The following PPIP5K1 variants were observed in gnomAD, a reference collection of about 807,000 sequenced individuals.
The protein encoded by PPIP5K1 is inositol hexakisphosphate and diphosphoinositol-pentakisphosphate kinase 1.
A neutral mutation model predicts 27.7 loss-of-function variants in PPIP5K1; 6 were observed. The ratio of observed to expected loss-of-function variants is 0.22; its 90% CI spans 0.12 to 0.43. PPIP5K1 has a LOEUF of 0.43. Among genes scored for constraint, PPIP5K1 ranks in the 20% least tolerant of loss-of-function variants. PPIP5K1 has a pLI of 1.00. For missense variants in PPIP5K1, 394 were observed against 635.4 expected (o/e 0.62, Z 4.08); for synonymous variants, 145 against 242.6 (o/e 0.60, Z 3.74).
At chr15:43,553,616 TG>T (rs1268970061) in intron 30 of PPIP5K1, among the ~76,000 whole-genome samples, 19 of 151,748 alleles carry the variant, frequency 1.3e-4, no homozygotes, top group South Asian at 1.3e-3. Flanking sequence ...CCTCCCAAAG[TG>T]CTGGGATTTC....
intron 9 of PPIP5K1, 33 bp from the exon 10 acceptor site, chr15:43,581,156 C>T (rs774014502): frequency 6.4e-7 from 1 of 1,558,134 alleles, no homozygotes; most frequent in African/African-American, 2.2e-5. Flanking sequence ...GAGAACAAGA[C>T]AGTTACTCTT....
intron 31 of PPIP5K1, among the ~76,000 whole-genome samples, chr15:43,537,593 G>A (rs1337412381): frequency 6.7e-6 from 1 of 149,082 alleles, no homozygotes; most frequent in Admixed American, 6.8e-5. Context: ...GGAGGCTGAG[G>A]TAGGAGAATC....
At chr15:43,548,921 G>A (rs555452727) in intron 30 of PPIP5K1, among the ~76,000 whole-genome samples, 17 of 149,060 alleles carry the variant, frequency 1.1e-4, no homozygotes, top group African/African-American at 2.2e-4. Flanking sequence ...CCAGCTACTC[G>A]GGAGGCTGAG....
chr15:43,555,036 C>T (rs1320955733), intron 30 of PPIP5K1, among the ~76,000 whole-genome samples: 10 of 152,116 alleles, frequency 6.6e-5, no homozygotes, highest in Middle Eastern at 3.4e-3. Context: ...AAGGTTTCCC[C>T]ATGTTGGCCA....
At chr15:43,539,412 C>T in intron 31 of PPIP5K1, 58 bp downstream of exon 31, 1 of 1,273,542 alleles carries the variant, frequency 7.9e-7, no homozygotes, top group East Asian at 2.5e-5. Context: ...GCCCCTCATT[C>T]ACCAATCACT....
At chr15:43,547,099 G>A (rs2081466305) in intron 30 of PPIP5K1, among the ~76,000 whole-genome samples, 1 of 152,142 alleles carries the variant, frequency 6.6e-6, no homozygotes, top group Non-Finnish European at 1.5e-5. Context: ...GCTATCCGGT[G>A]GGTATGAAGT....
chr15:43,578,976 T>C (rs1464004279), intron 11 of PPIP5K1, 43 bp downstream of exon 11: 1 of 69,608 alleles, frequency 1.4e-5, no homozygotes, highest in African/African-American at 8.2e-4. Context: ...AGGAATCCCA[T>C]GGGTCTTAAG....
chr15:43,534,709 G>A lies in PPIP5K1; in HGVS notation c.4438C>T (p.Leu1480=). 6.5e-7 allele frequency: 1 copy of A among 1,528,792 alleles called. No individual in the cohort carries two copies. Among genetic ancestry groups the A allele is most frequent in the Middle Eastern group, 1.8e-4 (1 of 5,568 alleles). 94.7% of individuals were successfully genotyped at this position (1,528,792 alleles called of 1,614,324 possible). ...PSQEFPEEID[L]QAQEVPEEIN ...TCCTCAGGGACCTCCTGGGCCTGCA[G>A]ATCAATCTCCTCAGGGAACTCTTGG... is the stretch of plus-strand genomic sequence containing the variant. The change falls in exon 32 of 32, where the codon CTG becomes TTG. Residue 1480 remains leucine (L), a synonymous_variant. Transcript: ENST00000420765.
chr15:43,543,471 T>C (rs912325591), intron 30 of PPIP5K1, among the ~76,000 whole-genome samples: 3 of 149,462 alleles, frequency 2.0e-5, no homozygotes, highest in African/African-American at 7.4e-5. Flanking sequence ...GGATGGAGAG[T>C]AATTTCTACA....
intron 29 of PPIP5K1, among the ~76,000 whole-genome samples, chr15:43,559,937 CA>C (rs1360324282): frequency 6.6e-6 from 1 of 151,760 alleles, no homozygotes; most frequent in Non-Finnish European, 1.5e-5. Context: ...GCCCGTAACT[CA>C]AAAGGATTAT....
chr15:43,548,417 T>TC (rs1263561701), intron 30 of PPIP5K1: 4 of 151,860 alleles, frequency 2.6e-5, no homozygotes, highest in Non-Finnish European at 5.9e-5. Flanking sequence ...TTTTTTTTTT[T>TC]CTTTTAATTT....
intron 30 of PPIP5K1, among the ~76,000 whole-genome samples, chr15:43,550,466 C>T (rs1311588005): frequency 6.6e-6 from 1 of 152,164 alleles, no homozygotes; most frequent in Non-Finnish European, 1.5e-5. Flanking sequence ...CTGTAACCTG[C>T]AACTCTGCTA....
intron 30 of PPIP5K1, among the ~76,000 whole-genome samples, chr15:43,553,262 G>T (rs1372667217): frequency 6.6e-6 from 1 of 152,088 alleles, no homozygotes; most frequent in East Asian, 1.9e-4. Flanking sequence ...TTCTGCAGTT[G>T]TTGGATGGAA....
At chr15:43,539,640 T>A in intron 30 of PPIP5K1, 57 bp from the exon 31 acceptor site, 43 of 952,482 alleles carry the variant, frequency 4.5e-5, no homozygotes, top group Non-Finnish European at 5.7e-5. Context: ...TGAGGAAGAA[T>A]CCAGGAGCCA....
At chr15:43,542,976 A>C (rs993803343) in intron 30 of PPIP5K1, among the ~76,000 whole-genome samples, 1 of 151,778 alleles carries the variant, frequency 6.6e-6, no homozygotes, top group Non-Finnish European at 1.5e-5. Flanking sequence ...TCAACTACAT[A>C]ATTATTCTTT....
At chr15:43,535,520 G>A in intron 31 of PPIP5K1, 44 bp from the exon 32 acceptor site, 2 of 1,447,258 alleles carry the variant, frequency 1.4e-6, no homozygotes, top group African/African-American at 1.4e-5. Context: ...AGCTGGAAGA[G>A]TAGGCTCTAC....
rs372230689 is a variant in PPIP5K1 at position 43,534,979 on chromosome 15, C to T, written c.4168G>A (p.Glu1390Lys). 103 of 1,613,710 alleles carry T rather than the reference C, an allele frequency of 6.4e-5. No homozygotes were observed. Among genetic ancestry groups the T allele is most frequent in the African/African-American group, 4.7e-4 (35 of 74,896 alleles). Residue 1390 changes from glutamate to lysine, a missense_variant, in exon 32 of 32, where the codon GAG (glutamate) becomes AAG (lysine). Glu to Lys is a moderately conservative substitution (Grantham distance 56, BLOSUM62 1). Coordinates refer to ENST00000420765, the MANE Select transcript of PPIP5K1 (RefSeq NM_001394395.1). ...CCCTGGCATGGCTGGCTGACCTCCT[C>T]GGAGTTCTCCAGACATAGCTGGCAA... ...EVCQLCLENS[E>K]EVSQPCQGVS...
At chr15:43,549,140 T>G (rs1015001368) in intron 30 of PPIP5K1, among the ~76,000 whole-genome samples, 6 of 144,716 alleles carry the variant, frequency 4.1e-5, no homozygotes, top group African/African-American at 1.5e-4. Flanking sequence ...TTGAACTTCT[T>G]GGCTCAAGCA....
In PPIP5K1 at chr15:43,534,924, T is replaced by A. The variant is rs139237891; in HGVS notation, c.4223A>T (p.His1408Leu). 80 of 1,614,082 alleles carry A rather than the reference T, an allele frequency of 5.0e-5. No individual in the cohort carries two copies. The African/African-American group carries it at 9.3e-4, about 19-fold the overall frequency. ...GVSVEVGKLV[H>L]KFHVGVGSLV... ...GCTACCAACCCCTACATGGAACTTA[T>A]GGACCAGCTTGCCAACCTCCACAGA... is the stretch of plus-strand genomic sequence containing the variant. Residue 1408 changes from histidine to leucine, a missense_variant, in exon 32 of 32, where the codon CAT (histidine) becomes CTT (leucine). By Grantham distance (99) the His-to-Leu change is moderately conservative. Transcript: ENST00000420765.
Sources: gnomAD v4.1 joint callset for allele counts (sites outside exome capture counted in the v4.1 genomes callset) on GRCh38, gnomAD v4.1.1 for gene constraint, MANE v1.5 for transcripts, NCBI Gene and HGNC (gene_info 2026-07-23, HGNC 2026-07-21) for gene names.